The following NTN4 variants were observed in gnomAD, a reference collection of about 807,000 sequenced individuals.
NTN4 encodes the protein netrin 4, also known as netrin-4.
NTN4 carries 32 observed loss-of-function variants against 73.6 expected under a neutral mutation model. The observed-to-expected ratio is 0.44, with a 90% CI of 0.33 to 0.58. The LOEUF is 0.58. Among genes scored for constraint, NTN4 ranks in the 20% least tolerant of loss-of-function variants. NTN4 has a pLI of 0.04. For synonymous variants in NTN4, 258 were observed against 287.5 expected, an observed-to-expected ratio of 0.90 and a Z score of 1.04; for missense variants, 654 against 798.3, an observed-to-expected ratio of 0.82 and a Z score of 2.18.
At position 95,696,998 on chromosome 12, in the gene NTN4, C is replaced by A. The variant is rs1000855077; in HGVS notation, c.1181-13287G>T. Among the ~76,000 whole-genome samples, 5 of 151,576 alleles carry A rather than the reference C, an allele frequency of 3.3e-5. No homozygotes were observed. In the South Asian group the frequency reaches 1.0e-3, roughly 32 times the overall value. On this transcript the variant is annotated intron_variant, in intron 5 of 9. Coordinates refer to ENST00000343702, the MANE Select transcript of NTN4 (RefSeq NM_021229.4). ...CAGCCTGGGCAACACAGCAAGAGCCCCTCTCTACAAAAAATAAAAAAAAAA... is the reference window on the plus strand; with the variant it reads ...CAGCCTGGGCAACACAGCAAGAGCCACTCTCTACAAAAAATAAAAAAAAAA...
intron 5 of NTN4, among the ~76,000 whole-genome samples, chr12:95,693,929 T>C (rs2121028977): frequency 6.6e-6 from 1 of 152,008 alleles, no homozygotes; most frequent in South Asian, 2.1e-4. Context: ...AGGAACATAA[T>C]GGAACCATTA....
rs572116267 is a variant in NTN4, at chr12:95,723,660, C to T, written c.865-10322G>A. The stretch of plus-strand genomic sequence containing the variant: ...CCTCCTGAGTAACTGGGATTACAGG[C>T]GCCACCACACCCGGCTAATTTTTGT... On this transcript the variant is annotated intron_variant, in intron 3 of 9. Transcript: ENST00000343702. Among the ~76,000 whole-genome samples the T allele has an allele frequency of 2.4e-3, 365 of 152,086 alleles. 5 individuals carry two copies. The highest frequency in any genetic ancestry group is 5.6e-3 in the African/African-American group (233 of 41,500).
At chr12:95,758,963 A>G (rs963028208) in intron 2 of NTN4, among the ~76,000 whole-genome samples, 5 of 152,098 alleles carry the variant, frequency 3.3e-5, no homozygotes, top group African/African-American at 1.2e-4. Context: ...GGTCATAAAT[A>G]TTTTCTCCTA....
intron 3 of NTN4, 45 bp from the exon 4 acceptor site, chr12:95,713,383 A>C (rs781362856): frequency 6.6e-7 from 1 of 1,514,368 alleles, no homozygotes; most frequent in Non-Finnish European, 9.0e-7. Context: ...CATGTCGCCA[A>C]AGAAGAACAG....
intron 7 of NTN4, among the ~76,000 whole-genome samples, chr12:95,679,723 A>ATGC (rs1220951306): frequency 1.3e-5 from 2 of 152,162 alleles, no homozygotes; most frequent in Admixed American, 1.3e-4. Flanking sequence ...ACACACAACC[A>ATGC]TGCTGATGGG....
intron 3 of NTN4, among the ~76,000 whole-genome samples, chr12:95,717,872 G>A (rs2078618597): frequency 1.3e-5 from 2 of 152,268 alleles, no homozygotes; most frequent in Admixed American, 6.5e-5. Flanking sequence ...CCCAAGAGGT[G>A]AATAGAATTT....
Position 95,738,108 on chromosome 12 carries a change from C to T in NTN4, c.622G>A (p.Glu208Lys), listed in dbSNP as rs781112956. ...FKALSPPYDT[E>K]NPYSAKVQEQ... ...TGAACTTTGGCACTGTAAGGGTTCT[C>T]TGTATCGTATGGTGGTGACAAAGCT... The change falls in exon 3 of 10, where the codon GAG becomes AAG. Residue 208 changes from glutamate to lysine, a missense_variant. Transcript: ENST00000343702. 1 of 1,614,060 alleles carries T rather than the reference C, an allele frequency of 6.2e-7. No individual in the cohort carries two copies. Among genetic ancestry groups the T allele is most frequent in the Non-Finnish European group, 8.5e-7 (1 of 1,179,976 alleles).
At chr12:95,782,140 CCT>C (rs1159377933) in intron 2 of NTN4, among the ~76,000 whole-genome samples, 4 of 152,134 alleles carry the variant, frequency 2.6e-5, no homozygotes, top group Admixed American at 6.6e-5. Context: ...TCATTTATCC[CCT>C]GTCATTTCTC....
chr12:95,727,140 T>TA (rs34738465), intron 3 of NTN4, among the ~76,000 whole-genome samples: 39,598 of 152,046 alleles, frequency 0.26, 5,918 homozygotes, highest in South Asian at 0.34. Flanking sequence ...GGTATCACAA[T>TA]ATCGTTTTGA....
intron 7 of NTN4, among the ~76,000 whole-genome samples, chr12:95,675,755 G>A (rs945187437): frequency 6.6e-6 from 1 of 152,156 alleles, no homozygotes; most frequent in African/African-American, 2.4e-5. Context: ...TTCAGAATCA[G>A]GCAGCAGTGG....
intron 5 of NTN4, among the ~76,000 whole-genome samples, chr12:95,701,051 T>C (rs1410269329): frequency 6.6e-6 from 1 of 152,104 alleles, no homozygotes; most frequent in Non-Finnish European, 1.5e-5. Flanking sequence ...TGACCTCAGG[T>C]GATCTGCCCA....
At chr12:95,776,493 C>T (rs1340052431) in intron 2 of NTN4, among the ~76,000 whole-genome samples, 1 of 152,176 alleles carries the variant, frequency 6.6e-6, no homozygotes, top group Non-Finnish European at 1.5e-5. Flanking sequence ...AAAACCGTGG[C>T]ATGAGAACTA....
chr12:95,676,270 AT>A lies in NTN4; in HGVS notation c.1511-6125del, dbSNP rs1282431784. On this transcript the variant is annotated intron_variant, in intron 7 of 9. Coordinates refer to ENST00000343702, the MANE Select transcript of NTN4 (RefSeq NM_021229.4). Reference sequence around the variant, plus strand: ...AGGTACGCGCCACCACACCCAGCTAATTTTTTTGTATTTTTAAGTAGAGACG... The same window carrying A: ...AGGTACGCGCCACCACACCCAGCTAATTTTTTGTATTTTTAAGTAGAGACG... 6.6e-5 allele frequency among the ~76,000 whole-genome samples: 10 copies of A among 151,822 alleles called. No individual in the cohort carries two copies. The East Asian group carries it at 1.2e-3, about 18-fold the overall frequency.
intron 9 of NTN4, among the ~76,000 whole-genome samples, chr12:95,662,237 T>TTC (rs988547728): frequency 2.9e-5 from 4 of 136,722 alleles, no homozygotes; most frequent in African/African-American, 8.1e-5. Context: ...TTTTCTTTCT[T>TTC]TTTTTTTTTT....
chr12:95,787,077 G>A lies in NTN4; in HGVS notation c.447C>T (p.Asp149=). ...TATAAGGCTTCCATGTTTTCCCAAA[G>A]TCCTGGGAGCGGTCCAGCACCATGG... is the stretch of plus-strand genomic sequence containing the variant. The part of the protein sequence containing the change: ...PAAMVLDRSQ[D]FGKTWKPYKY... Residue 149 remains aspartate (D), a synonymous_variant, in exon 2 of 10, where the codon GAC becomes GAT. Transcript: ENST00000343702. 1 of 1,614,230 alleles carries A rather than the reference G, an allele frequency of 6.2e-7. No individual in the cohort carries two copies. Among genetic ancestry groups the A allele is most frequent in the Non-Finnish European group, 8.5e-7 (1 of 1,180,046 alleles).
intron 5 of NTN4, among the ~76,000 whole-genome samples, chr12:95,707,304 C>T (rs928373875): frequency 4.6e-5 from 7 of 152,174 alleles, no homozygotes; most frequent in Admixed American, 1.3e-4. Context: ...GATGCAGCCA[C>T]GCTAACCCCC....
intron 7 of NTN4, chr12:95,672,144 G>A: frequency 2.3e-6 from 1 of 426,746 alleles, no homozygotes; most frequent in Admixed American, 3.5e-5. Flanking sequence ...AACGTAGTAA[G>A]ACATTGTCTC....
chr12:95,746,244 CGATT>C (rs1301147106), intron 2 of NTN4, among the ~76,000 whole-genome samples: 1 of 152,110 alleles, frequency 6.6e-6, no homozygotes, highest in Non-Finnish European at 1.5e-5. Context: ...GGAATTCGTC[CGATT>C]GATAACACCC....
chr12:95,780,469 C>A (rs893118174), intron 2 of NTN4, among the ~76,000 whole-genome samples: 2 of 152,172 alleles, frequency 1.3e-5, no homozygotes, highest in African/African-American at 4.8e-5. Context: ...AAACAAACAA[C>A]CCCATCAACA....
Sources: allele counts gnomAD v4.1 joint callset (sites outside exome capture counted in the v4.1 genomes callset), GRCh38; gene constraint gnomAD v4.1.1; transcripts MANE v1.5; gene names NCBI Gene and HGNC (gene_info 2026-07-23, HGNC 2026-07-21).